ZSWIM6: variants seen among roughly 807,000 people sequenced by gnomAD.
ZSWIM6 encodes zinc finger SWIM domain-containing protein 6.
Under a neutral mutation model 113.2 loss-of-function variants are expected in ZSWIM6, and 9 were observed. The ratio of observed to expected loss-of-function variants is 0.08; its 90% CI spans 0.05 to 0.14. The LOEUF (loss-of-function observed/expected upper bound fraction) is 0.14. ZSWIM6 is among the 10% of genes least tolerant of loss of function. The probability of loss-of-function intolerance (pLI) is 1.00; values close to 1 mark genes in which losing one functional copy is unlikely to be tolerated. For synonymous variants in ZSWIM6, 611 were observed against 606.5 expected (o/e 1.01, Z -0.11); for missense variants, 1,162 against 1,552.2 (o/e 0.75, Z 4.22).
intron 1 of ZSWIM6, among the ~76,000 whole-genome samples, chr5:61,438,469 A>T (rs908506088): frequency 2.6e-5 from 4 of 152,180 alleles, no homozygotes; most frequent in African/African-American, 9.7e-5. Flanking sequence ...CTGAGTCATG[A>T]GTTTTAGTAT....
intron 1 of ZSWIM6, among the ~76,000 whole-genome samples, chr5:61,453,592 T>C (rs1372658717): frequency 6.6e-6 from 1 of 152,006 alleles, no homozygotes; most frequent in Non-Finnish European, 1.5e-5. Flanking sequence ...TCCAGGCTGG[T>C]CTCAAACTCC....
rs529863300 is a variant in ZSWIM6, at chr5:61,342,526, G to A, written c.676+9578G>A. 9.2e-5 allele frequency among the ~76,000 whole-genome samples: 14 copies of A among 152,282 alleles called. No homozygotes were observed. The South Asian group carries it at 2.7e-3, about 29-fold the overall frequency. On this transcript the variant is annotated intron_variant, in intron 1 of 13. Coordinates refer to ENST00000252744, the MANE Select transcript of ZSWIM6 (RefSeq NM_020928.2). ...CTGTTAAAAACAGAGCCAGACACAT[G>A]CAGCCTCTTTGGTTGGTGCTCAAGC...
intron 4 of ZSWIM6, among the ~76,000 whole-genome samples, chr5:61,511,604 G>GCTTACGC (rs1445452862): frequency 2.6e-5 from 4 of 152,166 alleles, no homozygotes; most frequent in African/African-American, 9.7e-5. Flanking sequence ...CAGGGAGCTT[G>GCTTACGC]CTTACGCCTT....
At chr5:61,364,454 AAAG>A (rs1306736230) in intron 1 of ZSWIM6, among the ~76,000 whole-genome samples, 2 of 152,232 alleles carry the variant, frequency 1.3e-5, no homozygotes, top group African/African-American at 4.8e-5. Flanking sequence ...AAAAAAATCA[AAAG>A]AATAATATTT....
At chr5:61,418,209 G>T (rs1224962415) in intron 1 of ZSWIM6, among the ~76,000 whole-genome samples, 4 of 152,138 alleles carry the variant, frequency 2.6e-5, no homozygotes, top group African/African-American at 9.7e-5. Flanking sequence ...ATTTTGAAAG[G>T]CTCAATAATT....
chr5:61,544,391 C>T lies in ZSWIM6; in HGVS notation c.*74C>T. The T allele has an allele frequency of 1.9e-6, 2 of 1,029,358 alleles. No individual in the cohort carries two copies. The highest frequency in any genetic ancestry group is 2.8e-6 in the Non-Finnish European group (2 of 706,296). 63.8% of individuals were successfully genotyped at this position (1,029,358 alleles called of 1,614,324 possible). ...GTTTTTACTTGAGCCTGCCTTTGTA[C>T]CCTTTTTAACTTAAAGAACAGAGCC... On this transcript the variant is annotated 3_prime_UTR_variant, in exon 14 of 14. Transcript: ENST00000252744.
intron 1 of ZSWIM6, among the ~76,000 whole-genome samples, chr5:61,404,902 G>C (rs1746016166): frequency 6.6e-6 from 1 of 152,158 alleles, no homozygotes; most frequent in Non-Finnish European, 1.5e-5. Context: ...AGTTATGCAG[G>C]TAATTTTGAT....
intron 1 of ZSWIM6, among the ~76,000 whole-genome samples, chr5:61,446,608 A>G (rs1031785711): frequency 1.3e-5 from 2 of 152,190 alleles, no homozygotes; most frequent in East Asian, 3.9e-4. Flanking sequence ...GCAGAGACAA[A>G]TATAAAACCC....
chr5:61,393,032 T>C (rs1014332357), intron 1 of ZSWIM6, among the ~76,000 whole-genome samples: 1 of 151,926 alleles, frequency 6.6e-6, no homozygotes, highest in Non-Finnish European at 1.5e-5. Flanking sequence ...AATACCTTTT[T>C]ATATTTATTT....
intron 1 of ZSWIM6, among the ~76,000 whole-genome samples, chr5:61,341,245 T>TG (rs11426923): frequency 0.95 from 144,493 of 152,254 alleles, 68,647 homozygotes; most frequent in African/African-American, 0.99. Flanking sequence ...ACAATGGGGG[T>TG]GCATCCCATC....
intron 1 of ZSWIM6, among the ~76,000 whole-genome samples, chr5:61,445,799 A>AT (rs1424509400): frequency 6.6e-6 from 1 of 152,054 alleles, no homozygotes; most frequent in Non-Finnish European, 1.5e-5. Context: ...TGAACCCCAA[A>AT]TTTTTTCTCA....
At chr5:61,458,074 A>G (rs1191651530) in intron 1 of ZSWIM6, among the ~76,000 whole-genome samples, 2 of 152,222 alleles carry the variant, frequency 1.3e-5, no homozygotes, top group Non-Finnish European at 2.9e-5. Context: ...CCTATTCTCA[A>G]GAATGGATAA....
intron 1 of ZSWIM6, among the ~76,000 whole-genome samples, chr5:61,448,943 A>T (rs547201180): frequency 2.6e-5 from 4 of 152,232 alleles, no homozygotes; most frequent in African/African-American, 9.6e-5. Flanking sequence ...GCTGCCTGCA[A>T]GGAGAACCTG....
chr5:61,357,371 A>G (rs1422417619), intron 1 of ZSWIM6, among the ~76,000 whole-genome samples: 1 of 152,112 alleles, frequency 6.6e-6, no homozygotes, highest in Admixed American at 6.6e-5. Context: ...GGAATTTAGG[A>G]GCCAGGGTTC....
intron 1 of ZSWIM6, among the ~76,000 whole-genome samples, chr5:61,461,368 T>C (rs1747320301): frequency 6.6e-6 from 1 of 152,234 alleles, no homozygotes; most frequent in African/African-American, 2.4e-5. Flanking sequence ...CCTTATTTAA[T>C]AAGTGAGAGA....
chr5:61,479,385 C>T (rs2112196020), intron 2 of ZSWIM6, among the ~76,000 whole-genome samples: 1 of 152,182 alleles, frequency 6.6e-6, no homozygotes, highest in East Asian at 1.9e-4. Context: ...CAAAAACAGC[C>T]AGGTTACTTT....
At chr5:61,367,689 A>G (rs1745187332) in intron 1 of ZSWIM6, among the ~76,000 whole-genome samples, 1 of 152,240 alleles carries the variant, frequency 6.6e-6, no homozygotes, top group Non-Finnish European at 1.5e-5. Context: ...TCTCAAAGCC[A>G]TACAAGAGAA....
rs1747606744 is a variant in ZSWIM6, at chr5:61,472,855, G to A, written c.851G>A (p.Arg284His). The A allele has an allele frequency of 6.4e-7, 1 of 1,551,584 alleles. No individual in the cohort carries two copies. The highest frequency in any genetic ancestry group is 8.7e-7 in the Non-Finnish European group (1 of 1,146,936). ...GTGGCACTGTCTTTATACCGCATCC[G>A]CAAGCCAGATCAGGTCAAACTGCAT... ...HVVALSLYRI[R>H]KPDQVKLHLP... Residue 284 changes from arginine to histidine, a missense_variant, in exon 2 of 14, where the codon CGC becomes CAC. This residue lies in a region of ZSWIM6 where 96 missense variants were observed against 240.3 expected (regional missense o/e 0.40). Transcript: ENST00000252744. This position sits in a 1 kb window ranked among gnomAD's most constrained non-coding sequence, Gnocchi z 4.1.
At chr5:61,447,957 A>G (rs1382984705) in intron 1 of ZSWIM6, among the ~76,000 whole-genome samples, 1 of 152,218 alleles carries the variant, frequency 6.6e-6, no homozygotes, top group Non-Finnish European at 1.5e-5. Flanking sequence ...GTTGGTCAGC[A>G]GGAAGCAGGT....
Sources: gnomAD v4.1 joint callset for allele counts (sites outside exome capture counted in the v4.1 genomes callset) on GRCh38, gnomAD v4.1.1 for gene constraint, gnomAD v4.1.1 regional missense constraint, Gnocchi (gnomAD v3.1) non-coding constraint, MANE v1.5 for transcripts, NCBI Gene and HGNC (gene_info 2026-07-23, HGNC 2026-07-21) for gene names.